Variants in PTGER3 observed in about 807,000 individuals in gnomAD.
The protein encoded by PTGER3 is prostaglandin E receptor 3, also known as prostaglandin E2 receptor EP3 subtype.
A neutral mutation model predicts 34.7 loss-of-function variants in PTGER3; 22 were observed. The ratio of observed to expected loss-of-function variants is 0.63; its 90% CI spans 0.45 to 0.91. PTGER3 has a LOEUF of 0.91. Ranked by LOEUF, PTGER3 falls within the 40% of genes least tolerant of loss-of-function variation. PTGER3 has a pLI of 0.00. For missense variants in PTGER3, 468 were observed against 519.4 expected (o/e 0.90, Z 0.96); for synonymous variants, 241 against 230.1 (o/e 1.05, Z -0.43).
At chr1:70,880,287 C>T (rs1646361889) in intron 4 of PTGER3, among the ~76,000 whole-genome samples, 1 of 152,060 alleles carries the variant, frequency 6.6e-6, no homozygotes, top group Non-Finnish European at 1.5e-5. Context: ...AACAAATTCC[C>T]TTAGCATTTG....
intron 4 of PTGER3, chr1:70,886,321 C>T (rs924161047): frequency 1.1e-5 from 5 of 450,076 alleles, no homozygotes; most frequent in East Asian, 7.2e-5. Context: ...ACTTGCCGGC[C>T]TCCAGAACTG....
intron 4 of PTGER3, among the ~76,000 whole-genome samples, chr1:70,876,310 T>C (rs2100568730): frequency 6.6e-6 from 1 of 151,850 alleles, no homozygotes; most frequent in South Asian, 2.1e-4. Context: ...ATTAATGTGT[T>C]TAAGTTCCCT....
chr1:71,003,876 C>T (rs1379526373), intron 2 of PTGER3, among the ~76,000 whole-genome samples: 6 of 152,134 alleles, frequency 3.9e-5, no homozygotes, highest in Admixed American at 3.3e-4. Flanking sequence ...GCATAAATGC[C>T]GAAGAGGTCT....
At chr1:70,982,680 T>C (rs61286437) in intron 2 of PTGER3, among the ~76,000 whole-genome samples, 3,305 of 152,268 alleles carry the variant, frequency 0.022, 115 homozygotes, top group African/African-American at 0.074. Flanking sequence ...TCCCACTCCA[T>C]ATTTGCAGAG....
intron 2 of PTGER3, among the ~76,000 whole-genome samples, chr1:71,004,121 T>C (rs541348429): frequency 6.6e-6 from 1 of 152,352 alleles, no homozygotes; most frequent in Admixed American, 6.5e-5. Flanking sequence ...CAACCTTGTA[T>C]GTTATATTCA....
chr1:70,884,660 G>A (rs565935784), intron 4 of PTGER3, among the ~76,000 whole-genome samples: 1 of 152,308 alleles, frequency 6.6e-6, no homozygotes, highest in African/African-American at 2.4e-5. Context: ...TTGTGAGATA[G>A]TAAAACTGTG....
intron 2 of PTGER3, among the ~76,000 whole-genome samples, chr1:70,986,480 G>T (rs1255903487): frequency 6.6e-6 from 1 of 152,128 alleles, no homozygotes; most frequent in Admixed American, 6.5e-5. Context: ...AAGTGGCTGT[G>T]CCTCAAGGGT....
At chr1:70,964,980 G>A (rs568409322) in intron 2 of PTGER3, among the ~76,000 whole-genome samples, 27 of 152,266 alleles carry the variant, frequency 1.8e-4, no homozygotes, top group South Asian at 6.2e-4. Context: ...ACAGAAAAAC[G>A]TTTTCTAAAG....
chr1:70,944,166 C>T (rs562559627), intron 4 of PTGER3, among the ~76,000 whole-genome samples: 1 of 152,202 alleles, frequency 6.6e-6, no homozygotes, highest in African/African-American at 2.4e-5. Context: ...TTTGGAGCCA[C>T]TTTCCTCTAT....
At chr1:71,023,040 C>A (rs1658566418) in intron 1 of PTGER3, among the ~76,000 whole-genome samples, 1 of 151,766 alleles carries the variant, frequency 6.6e-6, no homozygotes, top group Admixed American at 6.6e-5. Context: ...GAAAATAAAA[C>A]CTGTGTGGAA....
chr1:70,998,103 C>T (rs1656145426), intron 2 of PTGER3, among the ~76,000 whole-genome samples: 1 of 152,248 alleles, frequency 6.6e-6, no homozygotes, highest in African/African-American at 2.4e-5. Context: ...TGAAATAAAT[C>T]TCTATTTAAT....
chr1:70,993,788 A>G lies in PTGER3; in HGVS notation c.1077+18517T>C, dbSNP rs181552207. ...GAGTGAGTGAAAGAATAAGGGATGCAGTGAACAATAAGAAGAATTGATGGA... is the reference window on the plus strand; with the variant it reads ...GAGTGAGTGAAAGAATAAGGGATGCGGTGAACAATAAGAAGAATTGATGGA... On this transcript the variant is annotated intron_variant, in intron 2 of 3. Coordinates refer to ENST00000306666, the MANE Select transcript of PTGER3 (RefSeq NM_198719.2). 5.9e-5 allele frequency among the ~76,000 whole-genome samples: 9 copies of G among 152,336 alleles called. No homozygotes were observed. The East Asian group carries it at 1.7e-3, about 29-fold the overall frequency.
intron 4 of PTGER3, among the ~76,000 whole-genome samples, chr1:70,898,024 G>C (rs906545484): frequency 2.0e-5 from 3 of 152,096 alleles, no homozygotes; most frequent in Non-Finnish European, 4.4e-5. Flanking sequence ...TGAGGGTTGG[G>C]GAGTGGGTAA....
chr1:70,903,303 G>A (rs187236058), intron 4 of PTGER3, among the ~76,000 whole-genome samples: 3 of 152,246 alleles, frequency 2.0e-5, no homozygotes, highest in Admixed American at 2.0e-4. Flanking sequence ...GTTTTGGGTA[G>A]TTTTAAGTCA....
At chr1:70,998,512 A>G (rs541169155) in intron 2 of PTGER3, among the ~76,000 whole-genome samples, 1 of 152,296 alleles carries the variant, frequency 6.6e-6, no homozygotes, top group African/African-American at 2.4e-5. Flanking sequence ...AAATGTGAAT[A>G]TGACTAAATA....
At chr1:71,014,188 G>A (rs761456982) in intron 1 of PTGER3, among the ~76,000 whole-genome samples, 1 of 151,808 alleles carries the variant, frequency 6.6e-6, no homozygotes, top group Non-Finnish European at 1.5e-5. Flanking sequence ...CTCTCTTGAG[G>A]CTTACACTTA....
At chr1:70,863,583 C>T (rs549178613) in intron 4 of PTGER3, among the ~76,000 whole-genome samples, 105 of 152,196 alleles carry the variant, frequency 6.9e-4, no homozygotes, top group Non-Finnish European at 9.3e-4. Context: ...TCATGAGTTA[C>T]GAAATCACTT....
chr1:70,990,877 T>C (rs1353071954), intron 2 of PTGER3, among the ~76,000 whole-genome samples: 1 of 152,198 alleles, frequency 6.6e-6, no homozygotes, highest in Non-Finnish European at 1.5e-5. Context: ...TTATCTGTGT[T>C]TACCTGGAGC....
At chr1:70,910,714 T>G (rs1310387256) in intron 4 of PTGER3, among the ~76,000 whole-genome samples, 1 of 152,196 alleles carries the variant, frequency 6.6e-6, no homozygotes, top group Non-Finnish European at 1.5e-5. Flanking sequence ...AGAGGCAACA[T>G]TTACAAAACA....
Sources: gnomAD v4.1 joint callset for allele counts (sites outside exome capture counted in the v4.1 genomes callset) on GRCh38, gnomAD v4.1.1 for gene constraint, MANE v1.5 for transcripts, NCBI Gene and HGNC (gene_info 2026-07-23, HGNC 2026-07-21) for gene names.